MAN1A2: variants seen among roughly 807,000 people sequenced by gnomAD.
MAN1A2 encodes mannosyl-oligosaccharide 1,2-alpha-mannosidase IB.
A neutral mutation model predicts 75.7 loss-of-function variants in MAN1A2; 26 were observed. The observed-to-expected ratio is 0.34, with a 90% CI of 0.25 to 0.48. MAN1A2 has a LOEUF of 0.48. Among genes scored for constraint, MAN1A2 ranks in the 20% least tolerant of loss-of-function variants. The pLI is 0.99. For missense variants in MAN1A2, 562 were observed against 775.5 expected (o/e 0.72, Z 3.27); for synonymous variants, 247 against 264.6 (o/e 0.93, Z 0.65).
Position 117,480,270 on chromosome 1 carries a change from CT to C in MAN1A2, c.1169-12875del, listed in dbSNP as rs566724664. On this transcript the variant is annotated intron_variant, in intron 8 of 12. Coordinates refer to ENST00000356554, the MANE Select transcript of MAN1A2 (RefSeq NM_006699.5). ...CTTCCCCAGTCTTTCCAGACTCAGC[CT>C]TATTTCTGAAACTTAGAGAGTCCAT... 1.8e-4 allele frequency among the ~76,000 whole-genome samples: 27 copies of C among 151,966 alleles called. No individual in the cohort carries two copies. In the South Asian group the frequency reaches 5.2e-3, roughly 29 times the overall value.
intron 5 of MAN1A2, among the ~76,000 whole-genome samples, chr1:117,428,331 T>C (rs970953427): frequency 3.3e-5 from 5 of 151,932 alleles, no homozygotes; most frequent in African/African-American, 1.2e-4. Flanking sequence ...CCCAGGCTGG[T>C]CTTGAACTCC....
intron 8 of MAN1A2, among the ~76,000 whole-genome samples, chr1:117,491,086 C>A (rs1650869244): frequency 6.6e-6 from 1 of 151,992 alleles, no homozygotes; most frequent in Admixed American, 6.6e-5. Context: ...GGAAAAACTG[C>A]AGCAAGTGAT....
intron 8 of MAN1A2, among the ~76,000 whole-genome samples, chr1:117,467,605 T>C (rs1008079840): frequency 3.3e-5 from 5 of 152,114 alleles, no homozygotes; most frequent in Non-Finnish European, 5.9e-5. Flanking sequence ...AGATAAAAGC[T>C]CTAATGCCTA....
chr1:117,374,572 T>C (rs1359855686), intron 1 of MAN1A2, among the ~76,000 whole-genome samples: 1 of 152,202 alleles, frequency 6.6e-6, no homozygotes, highest in Non-Finnish European at 1.5e-5. Flanking sequence ...GAATTTAATG[T>C]AGTCCAGAAG....
chr1:117,447,642 A>G (rs576826620), intron 6 of MAN1A2, among the ~76,000 whole-genome samples: 14 of 152,336 alleles, frequency 9.2e-5, no homozygotes, highest in African/African-American at 2.6e-4. Context: ...ATAGATAAAT[A>G]TAAAATCTTG....
intron 1 of MAN1A2, among the ~76,000 whole-genome samples, chr1:117,377,987 A>ACC (rs1339580088): frequency 1.3e-5 from 2 of 152,172 alleles, no homozygotes; most frequent in Non-Finnish European, 2.9e-5. Flanking sequence ...CTGTAGTCCC[A>ACC]GCTACTCGGG....
At chr1:117,376,241 G>A (rs983863917) in intron 1 of MAN1A2, among the ~76,000 whole-genome samples, 9 of 152,188 alleles carry the variant, frequency 5.9e-5, no homozygotes, top group African/African-American at 1.7e-4. Flanking sequence ...ATACGGTCTG[G>A]GTTATCTGGT....
intron 12 of MAN1A2, among the ~76,000 whole-genome samples, chr1:117,512,223 G>A (rs1570803386): frequency 1.3e-5 from 2 of 152,050 alleles, no homozygotes; most frequent in African/African-American, 2.4e-5. Flanking sequence ...TCAGGGCTGC[G>A]GATTTGTTTT....
chr1:117,407,389 C>G (rs531516270), intron 3 of MAN1A2, among the ~76,000 whole-genome samples: 78 of 151,488 alleles, frequency 5.1e-4, no homozygotes, highest in Admixed American at 1.2e-3. Context: ...ATTTTTTGAT[C>G]TTTTTCTTTT....
At chr1:117,496,364 C>A (rs186834683) in intron 9 of MAN1A2, among the ~76,000 whole-genome samples, 11 of 152,106 alleles carry the variant, frequency 7.2e-5, no homozygotes, top group Admixed American at 3.9e-4. Context: ...TAGACTATTT[C>A]TCTCACCATT....
chr1:117,460,443 T>G (rs761300094), intron 6 of MAN1A2, 46 bp from the exon 7 acceptor site: 3 of 1,442,136 alleles, frequency 2.1e-6, no homozygotes, highest in Non-Finnish European at 2.9e-6. Flanking sequence ...AATGTTTTGG[T>G]CTTTTCCCAA....
Position 117,403,819 on chromosome 1 carries a change from C to T in MAN1A2, c.558+1378C>T, listed in dbSNP as rs114867310. Among the ~76,000 whole-genome samples the T allele has an allele frequency of 6.5e-3, 988 of 152,082 alleles. 12 individuals are homozygous for T. Among genetic ancestry groups the T allele is most frequent in the African/African-American group, 0.023 (937 of 41,496 alleles). ...CTAATACATTGTTCAAAGTAAGTGGCGAGAATGGACATACTAGGTTTGTTC... is the reference window on the plus strand; with the variant it reads ...CTAATACATTGTTCAAAGTAAGTGGTGAGAATGGACATACTAGGTTTGTTC... On this transcript the variant is annotated intron_variant, in intron 2 of 12. Transcript: ENST00000356554.
intron 11 of MAN1A2, 43 bp from the exon 12 acceptor site, chr1:117,502,812 G>GA (rs1467384188): frequency 5.7e-6 from 6 of 1,054,550 alleles, no homozygotes; most frequent in Non-Finnish European, 8.7e-6. Flanking sequence ...TTCAAAACTT[G>GA]AAATTCTACG....
Position 117,460,626 on chromosome 1 carries a change from C to G in MAN1A2, c.1074+14C>G. ...TACTACAAAAAGGTTTGTTTTCTTG[C>G]CTTCTATTCTTTGTTTGTTATAAAG... On this transcript the variant is annotated intron_variant, in intron 7 of 12. Transcript: ENST00000356554. The G allele has an allele frequency of 6.3e-7, 1 of 1,592,960 alleles. No individual in the cohort carries two copies. Among genetic ancestry groups the G allele is most frequent in the Non-Finnish European group, 8.5e-7 (1 of 1,172,514 alleles).
intron 1 of MAN1A2, among the ~76,000 whole-genome samples, chr1:117,388,606 C>T (rs1570702562): frequency 6.6e-6 from 1 of 152,200 alleles, no homozygotes; most frequent in Middle Eastern, 3.4e-3. Flanking sequence ...AACCAGGTCT[C>T]ATGAGAGCTC....
At chr1:117,430,181 C>T (rs1375953439) in intron 5 of MAN1A2, among the ~76,000 whole-genome samples, 17 of 94,842 alleles carry the variant, frequency 1.8e-4, no homozygotes, top group South Asian at 8.5e-4. Flanking sequence ...CCTCACCTCC[C>T]GGACGGGGCG....
intron 6 of MAN1A2, among the ~76,000 whole-genome samples, chr1:117,443,311 C>T (rs766426968): frequency 2.0e-5 from 3 of 152,122 alleles, no homozygotes; most frequent in Non-Finnish European, 4.4e-5. Flanking sequence ...ACTTTACTAT[C>T]TCTGATTTCA....
At chr1:117,416,981 G>T (rs1450086359) in intron 4 of MAN1A2, among the ~76,000 whole-genome samples, 1 of 152,176 alleles carries the variant, frequency 6.6e-6, no homozygotes, top group Non-Finnish European at 1.5e-5. Context: ...GGTGAACCCT[G>T]GCTGGTGAGA....
At chr1:117,437,526 T>G (rs1432399925) in intron 5 of MAN1A2, among the ~76,000 whole-genome samples, 2 of 152,136 alleles carry the variant, frequency 1.3e-5, no homozygotes, top group Non-Finnish European at 2.9e-5. Flanking sequence ...AAATTAAGAT[T>G]AGATAATGCA....
Sources: gnomAD v4.1 joint callset for allele counts (sites outside exome capture counted in the v4.1 genomes callset) on GRCh38, gnomAD v4.1.1 for gene constraint, MANE v1.5 for transcripts, NCBI Gene and HGNC (gene_info 2026-07-23, HGNC 2026-07-21) for gene names.